Variants in TBC1D19 observed in about 807,000 individuals in gnomAD.
The protein encoded by TBC1D19 is TBC1 domain family, member 19.
TBC1D19 carries 60 observed loss-of-function variants against 89.0 expected under a neutral mutation model. That is an observed-to-expected ratio of 0.67 (90% CI 0.55 to 0.84). The LOEUF is 0.84. Ranked by LOEUF, TBC1D19 falls within the 40% of genes least tolerant of loss-of-function variation. TBC1D19 has a pLI of 0.00. For synonymous variants in TBC1D19, 189 were observed against 199.7 expected, an observed-to-expected ratio of 0.95 and a Z score of 0.45; for missense variants, 500 against 610.8, an observed-to-expected ratio of 0.82 and a Z score of 1.91.
chr4:26,846,769 A>C, the TBC1D19 span, among the ~76,000 whole-genome samples: 1 of 152,198 alleles, frequency 6.6e-6, no homozygotes, highest in Non-Finnish European at 1.5e-5. Flanking sequence ...AAAACTAAGC[A>C]ATATCTATGA....
chr4:26,620,736 A>C (rs1741995068), intron 4 of TBC1D19, 48 bp downstream of exon 4: 1 of 1,534,504 alleles, frequency 6.5e-7, no homozygotes, highest in African/African-American at 1.4e-5. Flanking sequence ...CAAGTTATGT[A>C]ATACAGAGCA....
At chr4:26,732,336 A>G (rs1033099985) in intron 15 of TBC1D19, among the ~76,000 whole-genome samples, 7 of 152,130 alleles carry the variant, frequency 4.6e-5, no homozygotes, top group Non-Finnish European at 7.4e-5. Flanking sequence ...AGGGCTCTTT[A>G]TCAGTAAGTC....
chr4:26,653,810 G>T (rs990989243), intron 7 of TBC1D19, among the ~76,000 whole-genome samples: 1 of 152,060 alleles, frequency 6.6e-6, no homozygotes. Flanking sequence ...ACACTGATGG[G>T]TCTTTACTCT....
the TBC1D19 span, among the ~76,000 whole-genome samples, chr4:26,817,979 A>ATATATATATAT: frequency 2.5e-4 from 27 of 107,348 alleles, no homozygotes; most frequent in African/African-American, 1.2e-3. Context: ...AAAAAAAAAA[A>ATATATATATAT]AAATATATAT....
At chr4:26,670,141 A>G (rs1248897113) in intron 9 of TBC1D19, among the ~76,000 whole-genome samples, 1 of 151,578 alleles carries the variant, frequency 6.6e-6, no homozygotes, top group African/African-American at 2.4e-5. Flanking sequence ...TGCTTTGGTC[A>G]CTAAGTCTCA....
chr4:26,824,508 C>T, the TBC1D19 span, among the ~76,000 whole-genome samples: 162 of 152,274 alleles, frequency 1.1e-3, 1 homozygote, highest in Admixed American at 4.4e-3. Context: ...GCAAAATTCA[C>T]TTGTAGTCCT....
At chr4:26,673,747 C>T (rs933960817) in intron 10 of TBC1D19, 29 bp from the exon 11 acceptor site, 3 of 1,444,840 alleles carry the variant, frequency 2.1e-6, no homozygotes, top group African/African-American at 2.8e-5. Context: ...TCTGAGTTTT[C>T]AAAGGAGATT....
At chr4:26,651,507 G>A (rs530471113) in intron 7 of TBC1D19, among the ~76,000 whole-genome samples, 1 of 150,736 alleles carries the variant, frequency 6.6e-6, no homozygotes, top group Non-Finnish European at 1.5e-5. Context: ...TCATGATTTG[G>A]CTGTTTATCT....
chr4:26,842,140 AC>A, the TBC1D19 span, among the ~76,000 whole-genome samples: 7 of 151,884 alleles, frequency 4.6e-5, no homozygotes, highest in African/African-American at 1.7e-4. Flanking sequence ...CAAATTGTAT[AC>A]CTGGTTCTGC....
chr4:26,738,561 A>G (rs982505111), intron 16 of TBC1D19, among the ~76,000 whole-genome samples: 1 of 151,884 alleles, frequency 6.6e-6, no homozygotes, highest in Non-Finnish European at 1.5e-5. Context: ...TAATAGTAAA[A>G]TAAGTTTTAA....
intron 20 of TBC1D19, chr4:26,754,137 A>G: frequency 5.0e-6 from 2 of 400,668 alleles, no homozygotes; most frequent in South Asian, 9.6e-5. Flanking sequence ...CATATGGGAA[A>G]CCAGATACCT....
At chr4:26,690,989 G>C (rs918676997) in intron 13 of TBC1D19, among the ~76,000 whole-genome samples, 12 of 152,166 alleles carry the variant, frequency 7.9e-5, no homozygotes, top group African/African-American at 2.9e-4. Flanking sequence ...ATGCCATTAA[G>C]AACATTTGTG....
intron 15 of TBC1D19, 143 bp downstream of exon 15, chr4:26,720,268 A>C: frequency 1.6e-6 from 1 of 619,070 alleles, no homozygotes; most frequent in Non-Finnish European, 2.6e-6. Flanking sequence ...AATTTAATGA[A>C]ATCCTCCACA....
intron 13 of TBC1D19, among the ~76,000 whole-genome samples, chr4:26,709,100 A>G (rs1157681533): frequency 1.3e-5 from 2 of 151,970 alleles, no homozygotes; most frequent in Non-Finnish European, 2.9e-5. Flanking sequence ...ATCTCTGGAA[A>G]TCAGATTCTT....
the TBC1D19 span, among the ~76,000 whole-genome samples, chr4:26,782,335 T>A: frequency 6.6e-6 from 1 of 152,124 alleles, no homozygotes; most frequent in Non-Finnish European, 1.5e-5. Flanking sequence ...GAGACTAGCT[T>A]GGGGTTTTTA....
At chr4:26,670,585 A>G (rs1212291416) in intron 9 of TBC1D19, among the ~76,000 whole-genome samples, 2 of 151,820 alleles carry the variant, frequency 1.3e-5, no homozygotes, top group East Asian at 1.9e-4. Flanking sequence ...TAGAAGTACA[A>G]CATACATACT....
intron 15 of TBC1D19, among the ~76,000 whole-genome samples, chr4:26,723,179 A>G (rs1211918701): frequency 6.6e-6 from 1 of 152,156 alleles, no homozygotes; most frequent in Non-Finnish European, 1.5e-5. Context: ...AGAACTTGCC[A>G]GAATCAAGGA....
At chr4:26,842,414 G>A in the TBC1D19 span, among the ~76,000 whole-genome samples, 56,797 of 139,604 alleles carry the variant, frequency 0.41, 12,866 homozygotes, top group Middle Eastern at 0.63. Flanking sequence ...GTGTGATCAC[G>A]GTTCACTGCA....
At chr4:26,722,496 G>A (rs957813859) in intron 15 of TBC1D19, among the ~76,000 whole-genome samples, 1 of 152,110 alleles carries the variant, frequency 6.6e-6, no homozygotes, top group African/African-American at 2.4e-5. Flanking sequence ...ACAACAGTGA[G>A]AAGTAAAAAG....
Sources: gnomAD v4.1 joint callset for allele counts (sites outside exome capture counted in the v4.1 genomes callset) on GRCh38, gnomAD v4.1.1 for gene constraint, MANE v1.5 for transcripts, NCBI Gene and HGNC (gene_info 2026-07-23, HGNC 2026-07-21) for gene names.